RYR3: variants seen among roughly 807,000 people sequenced by gnomAD.
RYR3 encodes ryanodine receptor 3.
A neutral mutation model predicts 584.3 loss-of-function variants in RYR3; 207 were observed. The ratio of observed to expected loss-of-function variants is 0.35; its 90% CI spans 0.32 to 0.40. RYR3 has a LOEUF of 0.40. Among genes scored for constraint, RYR3 ranks in the 10% least tolerant of loss-of-function variants. The probability of loss-of-function intolerance (pLI) is 1.00; values close to 1 mark genes in which losing one functional copy is unlikely to be tolerated. For synonymous variants in RYR3, 2,416 were observed against 2,248.5 expected, an observed-to-expected ratio of 1.07 and a Z score of -2.11; for missense variants, 5,616 against 6,089.2, an observed-to-expected ratio of 0.92 and a Z score of 2.59.
chr15:33,652,123 A>G (rs370869400), intron 31 of RYR3, among the ~76,000 whole-genome samples: 87 of 152,324 alleles, frequency 5.7e-4, no homozygotes, highest in African/African-American at 1.9e-3. Context: ...ATGGTTAGCC[A>G]GTAGTGCGGG....
chr15:33,852,557 G>C (rs1373994243), intron 94 of RYR3: 1 of 156,496 alleles, frequency 6.4e-6, no homozygotes, highest in Non-Finnish European at 1.4e-5. Context: ...TAAACTAAAG[G>C]TGATTCCCAG....
At chr15:33,738,298 G>A (rs1211777200) in intron 49 of RYR3, among the ~76,000 whole-genome samples, 152 bp from the exon 50 acceptor site, 1 of 152,158 alleles carries the variant, frequency 6.6e-6, no homozygotes, top group African/African-American at 2.4e-5. Flanking sequence ...TCCCAGCGGT[G>A]TTTGAAGGGC....
At chr15:33,623,761 TTG>T in intron 19 of RYR3, 44 bp from the exon 20 acceptor site, 9 of 1,332,298 alleles carry the variant, frequency 6.8e-6, no homozygotes, top group Non-Finnish European at 8.5e-6. Flanking sequence ...TTGGGCTGCA[TTG>T]TTTTTTTTTT....
chr15:33,728,410 T>C (rs192068464), intron 46 of RYR3, among the ~76,000 whole-genome samples: 1 of 152,372 alleles, frequency 6.6e-6, no homozygotes, highest in East Asian at 1.9e-4. Flanking sequence ...TACTTAATTG[T>C]AAATTCTAAT....
intron 38 of RYR3, among the ~76,000 whole-genome samples, chr15:33,674,313 T>A (rs1012402164): frequency 6.6e-6 from 1 of 152,202 alleles, no homozygotes; most frequent in Non-Finnish European, 1.5e-5. Context: ...AAGCCTCTTC[T>A]CTAAATTCTC....
intron 1 of RYR3, among the ~76,000 whole-genome samples, chr15:33,336,456 GAGAGAGAGAGAGAGAGAGAGAGAGAGAGA>G (rs1567046498): frequency 0.045 from 703 of 15,582 alleles, 112 homozygotes; most frequent in Non-Finnish European, 0.054. Flanking sequence ...GAGAGAGAGA[GAGAGAGAGAGAGAGAGAGAGAGAGAGAGA>G]GAAAGAAAGA....
intron 16 of RYR3, among the ~76,000 whole-genome samples, chr15:33,595,165 G>GTCA (rs1567621123): frequency 6.6e-6 from 1 of 152,112 alleles, no homozygotes; most frequent in Non-Finnish European, 1.5e-5. Context: ...AGGATTACAG[G>GTCA]TCATTGTAAA....
chr15:33,447,497 G>T (rs2046769942), intron 1 of RYR3, among the ~76,000 whole-genome samples: 1 of 152,176 alleles, frequency 6.6e-6, no homozygotes, highest in Non-Finnish European at 1.5e-5. Flanking sequence ...TTCTTAGGAG[G>T]TTAAGGTTGT....
At chr15:33,710,275 G>A (rs888457423) in intron 43 of RYR3, among the ~76,000 whole-genome samples, 1 of 151,868 alleles carries the variant, frequency 6.6e-6, no homozygotes, top group African/African-American at 2.4e-5. Flanking sequence ...AAATGGACTA[G>A]GCATGTCACA....
intron 18 of RYR3, among the ~76,000 whole-genome samples, chr15:33,608,926 C>T (rs1353939100): frequency 6.6e-6 from 1 of 152,220 alleles, no homozygotes; most frequent in East Asian, 1.9e-4. Context: ...CTCTGGAGGG[C>T]ATATGGCAGC....
intron 38 of RYR3, among the ~76,000 whole-genome samples, chr15:33,671,310 A>G (rs957679448): frequency 5.3e-5 from 8 of 152,182 alleles, no homozygotes; most frequent in African/African-American, 1.9e-4. Context: ...AGAAGAAGGA[A>G]TTTCTCAGGT....
At position 33,663,458 on chromosome 15, in the gene RYR3, G is replaced by T. The variant is rs570680152; in HGVS notation, c.5419-79G>T. The T allele has an allele frequency of 2.4e-5, 30 of 1,231,090 alleles. No homozygotes were observed. The South Asian group carries it at 3.9e-4, about 16-fold the overall frequency. 76.3% of individuals were successfully genotyped at this position (1,231,090 alleles called of 1,614,324 possible). On this transcript the variant is annotated intron_variant, in intron 35 of 103. Transcript: ENST00000634891. ...CAATTTACTTTGTCTAAGTCTCAGT[G>T]CTACTGTCTGTAAAATGGGCATGCT...
chr15:33,609,222 G>C (rs1306555583), intron 18 of RYR3, among the ~76,000 whole-genome samples: 1 of 152,252 alleles, frequency 6.6e-6, no homozygotes, highest in African/African-American at 2.4e-5. Context: ...ATTGTCCAGT[G>C]TAGCATTTCA....
intron 2 of RYR3, among the ~76,000 whole-genome samples, chr15:33,492,183 G>A (rs1366103647): frequency 2.6e-5 from 4 of 152,084 alleles, no homozygotes; most frequent in African/African-American, 9.7e-5. Context: ...GTGCTTTCTT[G>A]CAGTGGGGAT....
chr15:33,723,452 CTGAT>C (rs1308987487), intron 44 of RYR3, among the ~76,000 whole-genome samples: 14 of 152,212 alleles, frequency 9.2e-5, no homozygotes, highest in Admixed American at 7.2e-4. Context: ...GGTAGATTGT[CTGAT>C]TGTCTTACTT....
intron 1 of RYR3, among the ~76,000 whole-genome samples, chr15:33,464,489 TACAC>T (rs140850611): frequency 0.074 from 4,979 of 66,884 alleles, 270 homozygotes; most frequent in African/African-American, 0.17. Context: ...TATATATATA[TACAC>T]ATATATATAT....
intron 1 of RYR3, among the ~76,000 whole-genome samples, chr15:33,371,433 A>G (rs552959732): frequency 2.0e-5 from 3 of 152,230 alleles, no homozygotes; most frequent in African/African-American, 4.8e-5. Context: ...TGACAATGTG[A>G]TGGCTGAAAG....
intron 43 of RYR3, among the ~76,000 whole-genome samples, chr15:33,721,736 A>G (rs959862953): frequency 6.6e-6 from 1 of 152,190 alleles, no homozygotes; most frequent in African/African-American, 2.4e-5. Context: ...ATGAATTCTC[A>G]GATACAAATT....
Position 33,844,849 on chromosome 15 carries a change from T to G in RYR3, c.13297-13T>G, listed in dbSNP as rs1397022686. The stretch of plus-strand genomic sequence containing the variant: ...TTTTGATGTTTAATAAGCGAGTGTG[T>G]ATTTTGAGCCAGGTCACTGAAGAAC... On this transcript the variant is annotated splice_polypyrimidine_tract_variant and intron_variant, in intron 92 of 103. Transcript: ENST00000634891. 6.2e-7 allele frequency: 1 copy of G among 1,611,684 alleles called. No homozygotes were observed. The highest frequency in any genetic ancestry group is 8.5e-7 in the Non-Finnish European group (1 of 1,178,536).
Sources: allele counts gnomAD v4.1 joint callset (sites outside exome capture counted in the v4.1 genomes callset), GRCh38; gene constraint gnomAD v4.1.1; transcripts MANE v1.5; gene names NCBI Gene and HGNC (gene_info 2026-07-23, HGNC 2026-07-21).